The following SCARB2 variants were observed in gnomAD, a reference collection of about 807,000 sequenced individuals.
SCARB2 encodes the protein scavenger receptor class B member 2, also known as lysosome membrane protein 2.
SCARB2 carries 29 observed loss-of-function variants against 58.6 expected under a neutral mutation model. The ratio of observed to expected loss-of-function variants is 0.49; its 90% CI spans 0.37 to 0.67. The LOEUF is 0.67. Among genes scored for constraint, SCARB2 ranks in the 30% least tolerant of loss-of-function variants. The pLI, the probability that SCARB2 is intolerant of heterozygous loss-of-function variation, is 0.00. For synonymous variants in SCARB2, 195 were observed against 210.1 expected, an observed-to-expected ratio of 0.93 and a Z score of 0.62; for missense variants, 488 against 578.5, an observed-to-expected ratio of 0.84 and a Z score of 1.60.
At chr4:76,215,461 G>A (rs1733188914), upstream of SCARB2, among the ~76,000 whole-genome samples, 2 of 152,224 alleles carry the variant, frequency 1.3e-5, no homozygotes, top group Admixed American at 1.3e-4. Flanking sequence ...AGGAGGCTTT[G>A]TTGAGGACTT....
At chr4:76,211,446 T>C (rs1733044395) in intron 1 of SCARB2, among the ~76,000 whole-genome samples, 1 of 152,276 alleles carries the variant, frequency 6.6e-6, no homozygotes, top group African/African-American at 2.4e-5. Flanking sequence ...GTATTTTCTT[T>C]GTGTGGCTTC....
upstream of SCARB2, among the ~76,000 whole-genome samples, chr4:76,215,237 G>A (rs999445168): frequency 6.6e-6 from 1 of 152,196 alleles, no homozygotes; most frequent in Non-Finnish European, 1.5e-5. Flanking sequence ...CATTTTCTTG[G>A]CAACTATAGT....
chr4:76,162,949 G>T, intron 11 of SCARB2: 1 of 596,764 alleles, frequency 1.7e-6, no homozygotes, highest in East Asian at 2.8e-5. Context: ...TCAGGTTATT[G>T]TTTTCAAAGA....
upstream of SCARB2, among the ~76,000 whole-genome samples, chr4:76,217,407 G>A (rs1733226857): frequency 2.0e-5 from 3 of 152,300 alleles, no homozygotes; most frequent in South Asian, 6.2e-4. Context: ...CTAATGGGAG[G>A]TGTTTGGGTC....
rs1596117 is a variant in SCARB2, at chr4:76,230,337, C to G, written c.-358+3966G>C. ...TAGGCCTAACTCAACTCCCACACAG[C>G]TGGTGAGGCTGGTCTTGCTCGCTCT... On this transcript the variant is annotated intron_variant, in intron 1 of 11. Coordinates refer to the SCARB2 transcript ENST00000638295. Among the ~76,000 whole-genome samples the G allele has an allele frequency of 7.8e-3, 1,186 of 152,096 alleles. 18 individuals are homozygous for G. Among genetic ancestry groups the G allele is most frequent in the Admixed American group, 0.025 (376 of 15,288 alleles).
upstream of SCARB2, chr4:76,217,837 T>C: frequency 2.5e-6 from 1 of 403,330 alleles, no homozygotes; most frequent in Admixed American, 4.3e-5. Flanking sequence ...CTGGTGCCTG[T>C]TGAAATTATG....
At chr4:76,228,608 A>G (rs1733441371) in intron 1 of SCARB2, among the ~76,000 whole-genome samples, 1 of 152,164 alleles carries the variant, frequency 6.6e-6, no homozygotes, top group African/African-American at 2.4e-5. Flanking sequence ...TTATTTATGA[A>G]GCTTAGTTTT....
intron 1 of SCARB2, among the ~76,000 whole-genome samples, chr4:76,203,283 T>C (rs1025247270): frequency 2.0e-5 from 3 of 152,134 alleles, no homozygotes; most frequent in Middle Eastern, 3.2e-3. Context: ...CCCAAATCAG[T>C]GAATAATTTC....
intron 6 of SCARB2, chr4:76,175,156 G>A (rs1732226599): frequency 6.5e-6 from 1 of 152,674 alleles, no homozygotes; most frequent in African/African-American, 2.4e-5. Flanking sequence ...ACCAGAAAGA[G>A]ATAAAATACT....
intron 2 of SCARB2, 58 bp downstream of exon 2, chr4:76,195,649 C>T: frequency 2.0e-6 from 3 of 1,484,066 alleles, no homozygotes; most frequent in South Asian, 1.1e-5. Context: ...GGCAAGGACT[C>T]AGGCCATATT....
chr4:76,160,927 T>C lies in SCARB2; in HGVS notation c.*786A>G, dbSNP rs1350048916. The stretch of plus-strand genomic sequence containing the variant: ...TCATTTTGACTAAAAAAAAAACAGT[T>C]AACTATCCACAAGCATCATAACTAG... On this transcript the variant is annotated 3_prime_UTR_variant, in exon 12 of 12. Transcript: ENST00000264896. 2 of 152,038 alleles carry C rather than the reference T, an allele frequency of 1.3e-5. No homozygotes were observed. Among genetic ancestry groups the C allele is most frequent in the African/African-American group, 4.8e-5 (2 of 41,394 alleles). 9.4% of individuals were successfully genotyped at this position (152,038 alleles called of 1,614,324 possible).
chr4:76,183,448 G>C (rs969054058), intron 2 of SCARB2, among the ~76,000 whole-genome samples: 2 of 152,184 alleles, frequency 1.3e-5, no homozygotes, highest in African/African-American at 2.4e-5. Context: ...GAACAGCCCA[G>C]AGTACTCAGG....
chr4:76,196,136 T>C (rs1732707793), intron 1 of SCARB2, among the ~76,000 whole-genome samples: 1 of 152,208 alleles, frequency 6.6e-6, no homozygotes, highest in South Asian at 2.1e-4. Flanking sequence ...GGCGGGCAGA[T>C]CACTTGAGGT....
intron 1 of SCARB2, among the ~76,000 whole-genome samples, chr4:76,224,642 A>C (rs1346423952): frequency 2.0e-5 from 3 of 152,186 alleles, no homozygotes; most frequent in African/African-American, 7.2e-5. Context: ...GGTTCACTGC[A>C]ACCTCTGCCT....
intron 10 of SCARB2, 138 bp downstream of exon 10, chr4:76,166,112 A>C: frequency 3.4e-6 from 3 of 871,196 alleles, no homozygotes; most frequent in Middle Eastern, 5.0e-4. Flanking sequence ...CATTTAAGTG[A>C]AATTTTCTGA....
At chr4:76,199,534 C>T (rs763240428) in intron 1 of SCARB2, among the ~76,000 whole-genome samples, 2 of 152,190 alleles carry the variant, frequency 1.3e-5, no homozygotes, top group East Asian at 1.9e-4. Context: ...ACTGATACAT[C>T]GGACTGAACC....
chr4:76,232,857 T>C (rs962770782), intron 1 of SCARB2, among the ~76,000 whole-genome samples: 1 of 152,218 alleles, frequency 6.6e-6, no homozygotes, highest in South Asian at 2.1e-4. Flanking sequence ...TCCAGATTAC[T>C]ATAAACAATT....
chr4:76,179,574 C>G lies in SCARB2; in HGVS notation c.555G>C (p.Leu185Phe). The change falls in exon 4 of 12, where the codon TTG becomes TTC. Residue 185 changes from leucine (L) to phenylalanine (F), a missense_variant. Coordinates refer to ENST00000264896, the MANE Select transcript of SCARB2 (RefSeq NM_005506.4). ...ELLWGYKDEI[L>F]SLIHVFRPDI... ...CGGGCCTGAAAACATGGATAAGGGA[C>G]AAGATTTCATCTTTGTAGCCCCAGA... 2 of 1,614,174 alleles carry G rather than the reference C, an allele frequency of 1.2e-6. No individual in the cohort carries two copies. The highest frequency in any genetic ancestry group is 2.2e-5 in the South Asian group (2 of 91,086).
intron 1 of SCARB2, 110 bp downstream of exon 1, chr4:76,213,317 G>A: frequency 2.6e-6 from 2 of 778,576 alleles, no homozygotes; most frequent in Non-Finnish European, 4.5e-6. Flanking sequence ...AAGAGCTCTA[G>A]CGCGGAGGGT....
Sources: gnomAD v4.1 joint callset for allele counts (sites outside exome capture counted in the v4.1 genomes callset) on GRCh38, gnomAD v4.1.1 for gene constraint, MANE v1.5 for transcripts, NCBI Gene and HGNC (gene_info 2026-07-23, HGNC 2026-07-21) for gene names.